The following AGMO variants were observed in gnomAD, a reference collection of about 807,000 sequenced individuals.
AGMO encodes the protein glyceryl-ether monooxygenase.
AGMO carries 75 observed loss-of-function variants against 60.2 expected under a neutral mutation model. That is an observed-to-expected ratio of 1.25 (90% CI 1.03 to 1.51). The LOEUF is 1.51. Among genes scored for constraint, AGMO ranks in the 40% most tolerant of loss-of-function variants. AGMO has a pLI of 0.00. For missense variants in AGMO, 763 were observed against 525.5 expected (o/e 1.45, Z -4.42); for synonymous variants, 261 against 177.1 (o/e 1.47, Z -3.76).
At chr7:15,383,550 C>T (rs926503204) in intron 10 of AGMO, among the ~76,000 whole-genome samples, 1 of 152,086 alleles carries the variant, frequency 6.6e-6, no homozygotes, top group Non-Finnish European at 1.5e-5. Flanking sequence ...GTTACAGTAA[C>T]ATCTTCATAC....
At chr7:15,237,646 C>T (rs1782465365) in intron 12 of AGMO, among the ~76,000 whole-genome samples, 1 of 151,968 alleles carries the variant, frequency 6.6e-6, no homozygotes, top group African/African-American at 2.4e-5. Context: ...ATGAACATTT[C>T]CCTTGTGGGT....
At chr7:15,488,707 A>G (rs552428283) in intron 3 of AGMO, among the ~76,000 whole-genome samples, 1 of 152,170 alleles carries the variant, frequency 6.6e-6, no homozygotes, top group Non-Finnish European at 1.5e-5. Context: ...TTGAATTTGG[A>G]TTATCACAAA....
intron 12 of AGMO, among the ~76,000 whole-genome samples, chr7:15,228,735 T>C (rs1365771225): frequency 1.3e-5 from 2 of 152,168 alleles, no homozygotes; most frequent in Non-Finnish European, 2.9e-5. Context: ...CTGCCAAAGC[T>C]GAAATTATAG....
intron 5 of AGMO, among the ~76,000 whole-genome samples, chr7:15,410,538 A>G (rs1780562091): frequency 6.6e-6 from 1 of 151,902 alleles, no homozygotes; most frequent in African/African-American, 2.4e-5. Flanking sequence ...TTAATAATTC[A>G]TATTAAACAA....
intron 12 of AGMO, among the ~76,000 whole-genome samples, chr7:15,231,888 T>A (rs1782270650): frequency 6.6e-6 from 1 of 152,074 alleles, no homozygotes; most frequent in Admixed American, 6.5e-5. Flanking sequence ...AATCTGACAA[T>A]AAAAAATAAT....
chr7:15,193,461 TA>T, the AGMO span, among the ~76,000 whole-genome samples: 1 of 152,164 alleles, frequency 6.6e-6, no homozygotes, highest in Admixed American at 6.5e-5. Context: ...GTACATAATA[TA>T]AGTTTATCTC....
chr7:15,451,752 G>C (rs1003390506), intron 3 of AGMO, among the ~76,000 whole-genome samples: 1 of 152,040 alleles, frequency 6.6e-6, no homozygotes, highest in Non-Finnish European at 1.5e-5. Flanking sequence ...TGCAAATTGG[G>C]AAGTCCCTAG....
At chr7:15,301,902 A>G (rs1429506662) in intron 12 of AGMO, among the ~76,000 whole-genome samples, 2 of 152,160 alleles carry the variant, frequency 1.3e-5, no homozygotes, top group Non-Finnish European at 1.5e-5. Context: ...AAGGCTCATG[A>G]AAGTCAAAAT....
intron 10 of AGMO, among the ~76,000 whole-genome samples, 157 bp downstream of exon 10, chr7:15,385,289 G>A (rs1004716780): frequency 3.9e-5 from 6 of 152,184 alleles, no homozygotes; most frequent in African/African-American, 1.4e-4. Context: ...TAGTAGTCTA[G>A]AAGATTTGTT....
intron 12 of AGMO, among the ~76,000 whole-genome samples, chr7:15,302,207 A>T (rs1395468924): frequency 6.6e-6 from 1 of 152,168 alleles, no homozygotes. Context: ...ATTTCTCTTG[A>T]AGATAAACTA....
intron 11 of AGMO, 89 bp downstream of exon 11, chr7:15,366,051 A>G: frequency 1.1e-6 from 1 of 880,424 alleles, no homozygotes; most frequent in South Asian, 1.8e-5. Flanking sequence ...AAACTACACT[A>G]GTTACATAAT....
chr7:15,479,320 A>G (rs2128516458), intron 3 of AGMO, among the ~76,000 whole-genome samples: 1 of 152,282 alleles, frequency 6.6e-6, no homozygotes, highest in African/African-American at 2.4e-5. Flanking sequence ...TGGATTGAAT[A>G]CACAGGTGAT....
At chr7:15,191,059 T>C in the AGMO span, among the ~76,000 whole-genome samples, 1 of 152,172 alleles carries the variant, frequency 6.6e-6, no homozygotes, top group Non-Finnish European at 1.5e-5. Flanking sequence ...ACTTACTATA[T>C]GTGTGCTGAC....
intron 12 of AGMO, among the ~76,000 whole-genome samples, chr7:15,217,787 A>T (rs62448947): frequency 2.6e-4 from 39 of 151,906 alleles, no homozygotes; most frequent in Admixed American, 1.3e-4. Context: ...GGTGGAGAGG[A>T]AATAACAATA....
intron 3 of AGMO, among the ~76,000 whole-genome samples, chr7:15,465,600 T>TATAC (rs1782263105): frequency 6.8e-6 from 1 of 147,356 alleles, no homozygotes; most frequent in Admixed American, 6.8e-5. Flanking sequence ...TATATATATA[T>TATAC]ATTTATATAT....
At chr7:15,139,179 G>A in the AGMO span, among the ~76,000 whole-genome samples, 4 of 151,950 alleles carry the variant, frequency 2.6e-5, no homozygotes, top group Non-Finnish European at 5.9e-5. Flanking sequence ...TTCTAACTTT[G>A]TTTCTGAGTT....
At chr7:15,443,639 T>C (rs1251429360) in intron 3 of AGMO, among the ~76,000 whole-genome samples, 1 of 152,212 alleles carries the variant, frequency 6.6e-6, no homozygotes, top group Non-Finnish European at 1.5e-5. Context: ...GCTGTCCATG[T>C]GCACTCAAAA....
rs1583287142 is a variant in AGMO, at chr7:15,201,214, C to A, written c.*71G>T. On this transcript the variant is annotated 3_prime_UTR_variant, in exon 13 of 13. Coordinates refer to ENST00000342526, the MANE Select transcript of AGMO (RefSeq NM_001004320.2). The stretch of plus-strand genomic sequence containing the variant: ...ATATAAGCATTACATAAAATAATTA[C>A]ATTTTAATATGCAGTCATAATATGC... 1 of 950,776 alleles carries A rather than the reference C, an allele frequency of 1.1e-6. No homozygotes were observed. The highest frequency in any genetic ancestry group is 1.9e-5 in the South Asian group (1 of 52,062). The allele number at this position is 950,776 out of a possible 1,614,324, so 58.9% of individuals were successfully genotyped here. A position where few individuals can be genotyped will look rare whatever the true frequency, so the allele number is the denominator to read the frequency against.
chr7:15,133,514 C>T, the AGMO span, among the ~76,000 whole-genome samples: 1 of 152,072 alleles, frequency 6.6e-6, no homozygotes, highest in South Asian at 2.1e-4. Flanking sequence ...AGGCTAAAAT[C>T]ATCAGTGAAA....
Sources: allele counts gnomAD v4.1 joint callset (sites outside exome capture counted in the v4.1 genomes callset), GRCh38; gene constraint gnomAD v4.1.1; transcripts MANE v1.5; gene names NCBI Gene and HGNC (gene_info 2026-07-23, HGNC 2026-07-21).